ZNF85: variants seen among roughly 807,000 people sequenced by gnomAD.
ZNF85 encodes the protein zinc finger protein 85.
A neutral mutation model predicts 53.9 loss-of-function variants in ZNF85; 50 were observed. The ratio of observed to expected loss-of-function variants is 0.93; its 90% confidence interval spans 0.74 to 1.17. The LOEUF is 1.17. Among genes scored for constraint, ZNF85 ranks in the 50% most tolerant of loss-of-function variants. ZNF85 has a pLI of 0.00. For missense variants in ZNF85, 747 were observed against 688.5 expected, an observed-to-expected ratio of 1.08 and a Z score of -0.95; for synonymous variants, 225 against 226.1, an observed-to-expected ratio of 1.00 and a Z score of 0.04.
intron 3 of ZNF85, among the ~76,000 whole-genome samples, chr19:20,947,103 T>G (rs528028193): frequency 6.6e-6 from 1 of 152,102 alleles, no homozygotes; most frequent in Non-Finnish European, 1.5e-5. Context: ...ATACAGATTT[T>G]TTTGTGGTAC....
chr19:20,942,817 C>T (rs916116676), intron 3 of ZNF85: 5 of 699,140 alleles, frequency 7.2e-6, no homozygotes, highest in Non-Finnish European at 1.3e-5. Context: ...ACTCTGTCAC[C>T]CAGTCTGGAA....
At chr19:20,926,235 A>C (rs1347796660) in intron 1 of ZNF85, among the ~76,000 whole-genome samples, 1 of 152,228 alleles carries the variant, frequency 6.6e-6, no homozygotes, top group Non-Finnish European at 1.5e-5. Context: ...AAGTTGTGAC[A>C]GTGAATATTT....
intron 1 of ZNF85, among the ~76,000 whole-genome samples, chr19:20,930,605 C>G (rs972681275): frequency 1.7e-4 from 26 of 152,298 alleles, no homozygotes; most frequent in African/African-American, 5.8e-4. Flanking sequence ...CAACACAGTG[C>G]TTTTTAACAT....
intron 3 of ZNF85, chr19:20,943,954 TA>T (rs34567643): frequency 8.6e-6 from 2 of 232,438 alleles, no homozygotes; most frequent in Non-Finnish European, 1.4e-5. Flanking sequence ...TTGCATGTAA[TA>T]AAAAGTTTTT....
intron 3 of ZNF85, among the ~76,000 whole-genome samples, chr19:20,937,947 C>T (rs1338323956): frequency 6.6e-6 from 1 of 152,174 alleles, no homozygotes; most frequent in Non-Finnish European, 1.5e-5. Context: ...TGAATGAGGG[C>T]CTGCCTTCCG....
At chr19:20,931,660 T>G (rs2144615804) in intron 1 of ZNF85, among the ~76,000 whole-genome samples, 1 of 143,222 alleles carries the variant, frequency 7.0e-6, no homozygotes, top group African/African-American at 2.7e-5. Flanking sequence ...TTCACTGGAG[T>G]GCAGTGGTGC....
rs766055181 is a variant in ZNF85, at chr19:20,948,976, C to A, written c.462C>A (p.Val154=). Residue 154 remains valine, a synonymous_variant, in exon 4 of 4, where the codon GTC becomes GTA. Transcript: ENST00000328178. ...KIFQCDKYVK[V]AHKFSNSNRH... is the part of the protein sequence containing the mutation. ...TTCAATGTGATAAATATGTAAAAGT[C>A]GCTCATAAATTTTCAAATTCAAACA... The A allele has an allele frequency of 6.2e-7, 1 of 1,613,454 alleles. No homozygotes were observed. The highest frequency in any genetic ancestry group is 1.7e-5 in the Admixed American group (1 of 59,942).
chr19:20,947,313 G>T (rs1055040870), intron 3 of ZNF85, among the ~76,000 whole-genome samples: 4 of 151,326 alleles, frequency 2.6e-5, no homozygotes, highest in African/African-American at 9.7e-5. Context: ...TCAACTTTTA[G>T]AGAATAACTA....
At position 20,923,315 on chromosome 19, in the gene ZNF85, G is replaced by T. The variant is rs910824415; in HGVS notation, c.-86G>T. ...TTTCCCTGCTTTGTGTTTTCTGCTC[G>T]TGGACGCCCAGCCTCTGTGGCCCTG... On this transcript the variant is annotated 5_prime_UTR_variant, in exon 1 of 4. Transcript: ENST00000328178. The T allele has an allele frequency of 1.9e-6, 3 of 1,602,586 alleles. No homozygotes were observed. Among genetic ancestry groups the T allele is most frequent in the Non-Finnish European group, 2.6e-6 (3 of 1,170,958 alleles).
chr19:20,924,886 C>T (rs993839514), intron 1 of ZNF85, among the ~76,000 whole-genome samples: 1 of 152,064 alleles, frequency 6.6e-6, no homozygotes, highest in African/African-American at 2.4e-5. Flanking sequence ...TCAAGGTTTC[C>T]GTTTGGAGAC....
intron 1 of ZNF85, chr19:20,927,565 A>C (rs2144601894): frequency 6.6e-6 from 1 of 152,130 alleles, no homozygotes; most frequent in East Asian, 1.9e-4. Context: ...TAGGTAAGAA[A>C]AGGGAGTGTC....
At chr19:20,941,470 T>C (rs545894293) in intron 3 of ZNF85, among the ~76,000 whole-genome samples, 1 of 152,158 alleles carries the variant, frequency 6.6e-6, no homozygotes, top group South Asian at 2.1e-4. Context: ...ACCGTGTTGG[T>C]TATGCTGGTC....
rs774915152 is a variant in ZNF85, at chr19:20,949,582, C to A, written c.1068C>A (p.His356Gln). ...KCGKAFNQSA[H>Q]LTTHEVIHTG... is the part of the protein sequence containing the mutation. The stretch of plus-strand genomic sequence containing the variant: ...GAAAAGCCTTTAACCAGTCTGCACA[C>A]CTTACCACACATGAGGTAATTCATA... Residue 356 changes from histidine to glutamine, a missense_variant, in exon 4 of 4, where the codon CAC becomes CAA. His to Gln is a conservative substitution (Grantham distance 24). Coordinates refer to ENST00000328178, the MANE Select transcript of ZNF85 (RefSeq NM_003429.5). The A allele has an allele frequency of 6.3e-6, 10 of 1,597,760 alleles. No homozygotes were observed. Among genetic ancestry groups the A allele is most frequent in the Non-Finnish European group, 7.7e-6 (9 of 1,168,792 alleles).
At position 20,948,647 on chromosome 19, in the gene ZNF85, A is replaced by T. The variant is rs953596526; in HGVS notation, c.230-97A>T. On this transcript the variant is annotated intron_variant, in intron 3 of 3. Coordinates refer to ENST00000328178, the MANE Select transcript of ZNF85 (RefSeq NM_003429.5). ...CTATGGTATTTTGCTGTGCCATCTT[A>T]CTTAATGTAGTTTGTTTAATTTTAT... The T allele has an allele frequency of 2.1e-5, 20 of 933,100 alleles. No homozygotes were observed. The African/African-American group carries it at 3.2e-4, about 15-fold the overall frequency. 57.8% of individuals were successfully genotyped at this position (933,100 alleles called of 1,614,324 possible). A position where few individuals can be genotyped will look rare whatever the true frequency, so the allele number is the denominator to read the frequency against.
At position 20,949,102 on chromosome 19, in the gene ZNF85, T is replaced by C; in HGVS notation, c.588T>C (p.His196=). Residue 196 remains histidine (H), a synonymous_variant, in exon 4 of 4, where the codon CAT becomes CAC. Coordinates refer to ENST00000328178, the MANE Select transcript of ZNF85 (RefSeq NM_003429.5). ...ISCLTEHSRI[H]TRVNFYKCEE... ...GCCTAACTGAACATAGCAGAATTCA[T>C]ACTAGAGTAAATTTCTACAAATGTG... is the stretch of plus-strand genomic sequence containing the variant. The C allele has an allele frequency of 6.2e-7, 1 of 1,613,660 alleles. No homozygotes were observed.
chr19:20,943,440 A>C (rs1310243665), intron 3 of ZNF85: 3 of 152,202 alleles, frequency 2.0e-5, no homozygotes, highest in African/African-American at 7.2e-5. Context: ...TTACTATGTG[A>C]TATGTCCAGT....
chr19:20,931,703 G>A (rs113101787), intron 1 of ZNF85, among the ~76,000 whole-genome samples: 1,779 of 150,468 alleles, frequency 0.012, 34 homozygotes, highest in African/African-American at 0.034. Context: ...TGCCTGCTGG[G>A]TTCAAGCGAT....
At chr19:20,931,620 C>CTTTTTTTTTTTTTTTTTTTTTT (rs1156835317) in intron 1 of ZNF85, among the ~76,000 whole-genome samples, 1 of 119,468 alleles carries the variant, frequency 8.4e-6, no homozygotes, top group African/African-American at 3.4e-5. Flanking sequence ...TTTTCTTTTT[C>CTTTTTTTTTTTTTTTTTTTTTT]TTTTTTTTTT....
rs1307235203 is a variant in ZNF85, at chr19:20,935,829, C to T, written c.229+782C>T. Among the ~76,000 whole-genome samples, 5 of 151,952 alleles carry T rather than the reference C, an allele frequency of 3.3e-5. No homozygotes were observed. The East Asian group carries it at 9.7e-4, about 29-fold the overall frequency. On this transcript the variant is annotated intron_variant, in intron 3 of 3. Transcript: ENST00000328178. Reference sequence around the variant, plus strand: ...CCTCCCAAAGTGCTAGGATTACAGGCGTGAGCCACCATGCCTGGCCACCAC... The same window carrying T: ...CCTCCCAAAGTGCTAGGATTACAGGTGTGAGCCACCATGCCTGGCCACCAC...
Sources: gnomAD v4.1 joint callset for allele counts (sites outside exome capture counted in the v4.1 genomes callset) on GRCh38, gnomAD v4.1.1 for gene constraint, MANE v1.5 for transcripts, NCBI Gene and HGNC (gene_info 2026-07-23, HGNC 2026-07-21) for gene names.